Variants in METTL27 observed in about 807,000 individuals in gnomAD.
The protein encoded by METTL27 is methyltransferase-like protein 27.
In METTL27, 29 loss-of-function variants were observed where a neutral mutation model predicts 24.5. That is an observed-to-expected ratio of 1.18 (90% CI 0.88 to 1.61). The LOEUF is 1.61. METTL27 is among the 40% of genes most tolerant of loss of function. The pLI is 0.00. For synonymous variants in METTL27, 138 were observed against 146.8 expected (o/e 0.94, Z 0.43); for missense variants, 341 against 324.3 (o/e 1.05, Z -0.40).
At chr7:73,836,050 C>T (rs1290237208) in intron 5 of METTL27, among the ~76,000 whole-genome samples, 153 of 151,512 alleles carry the variant, frequency 1.0e-3, no homozygotes, top group African/African-American at 3.5e-3. Context: ...GGAGCGTCTC[C>T]GCCCGGCAGC....
At position 73,841,089 on chromosome 7, in the gene METTL27, G is replaced by A. The variant is rs1554636326; in HGVS notation, c.233C>T (p.Thr78Ile). 2 of 1,512,414 alleles carry A rather than the reference G, an allele frequency of 1.3e-6. No individual in the cohort carries two copies. The highest frequency in any genetic ancestry group is 2.6e-5 in the South Asian group (2 of 75,628). 93.7% of individuals were successfully genotyped at this position (1,512,414 alleles called of 1,614,324 possible). A position where few individuals can be genotyped will look rare whatever the true frequency, so the allele number is the denominator to read the frequency against. The part of the protein sequence containing the change: ...SALILDVACG[T>I]GLVAAELRAP... The stretch of plus-strand genomic sequence containing the variant: ...CCTCACCTCGGCAGCCACTAGGCCT[G>A]TGCCACAGGCCACGTCCAGGATCAG... Residue 78 changes from threonine (T) to isoleucine (I), a missense_variant, in exon 3 of 6, where the codon ACA becomes ATA. Transcript: ENST00000297873.
intron 5 of METTL27, 196 bp from the exon 6 acceptor site, chr7:73,835,198 C>T: frequency 1.6e-5 from 2 of 125,126 alleles, no homozygotes; most frequent in Non-Finnish European, 1.8e-5. Context: ...TCCTCTCCCT[C>T]TCCCTCTCCC....
chr7:73,842,393 C>G (rs1788390977), intron 1 of METTL27, 97 bp downstream of exon 1: 1 of 507,212 alleles, frequency 2.0e-6, no homozygotes, highest in Non-Finnish European at 3.3e-6. Context: ...GAGGAAGGAC[C>G]TATCTTCCTC....
intron 5 of METTL27, among the ~76,000 whole-genome samples, chr7:73,836,124 G>C (rs1788180303): frequency 8.8e-6 from 1 of 113,812 alleles, no homozygotes; most frequent in South Asian, 3.1e-4. Context: ...CCATCCGGGA[G>C]GGAGGTGGGG....
At chr7:73,837,585 A>G (rs1230939444) in intron 5 of METTL27, among the ~76,000 whole-genome samples, 1 of 149,514 alleles carries the variant, frequency 6.7e-6, no homozygotes, top group Non-Finnish European at 1.5e-5. Context: ...TTTTTTTGAG[A>G]CCCTGTCTTG....
Position 73,836,809 on chromosome 7 carries a change from A to G in METTL27, c.479-1807T>C, listed in dbSNP as rs1278063124. On this transcript the variant is annotated intron_variant, in intron 5 of 5. Transcript: ENST00000297873. ...CCCAACAGCTCATTGAGAACGAGCC[A>G]GGATGACAATGGCGGCTTTGTGGAA... Among the ~76,000 whole-genome samples the G allele has an allele frequency of 2.3e-5, 2 of 85,520 alleles. 1 individual carries two copies. Among genetic ancestry groups the G allele is most frequent in the Non-Finnish European group, 6.2e-5 (2 of 32,466 alleles). The allele number at this position is 85,520 out of a possible 152,430, so 56.1% of individuals were successfully genotyped here. A position where few individuals can be genotyped will look rare whatever the true frequency, so the allele number is the denominator to read the frequency against.
intron 5 of METTL27, among the ~76,000 whole-genome samples, chr7:73,836,404 G>C (rs1288097571): frequency 7.4e-6 from 1 of 135,580 alleles, no homozygotes; most frequent in Non-Finnish European, 1.6e-5. Context: ...GGAGGGAGGT[G>C]GGGGGGTCAG....
At chr7:73,838,401 C>T (rs782361941) in intron 5 of METTL27, among the ~76,000 whole-genome samples, 1 of 152,164 alleles carries the variant, frequency 6.6e-6, no homozygotes, top group African/African-American at 2.4e-5. Flanking sequence ...CAGTAAGTGC[C>T]GGCTGAATGG....
intron 2 of METTL27, among the ~76,000 whole-genome samples, chr7:73,841,722 C>T (rs1292878971): frequency 6.6e-6 from 1 of 152,164 alleles, no homozygotes; most frequent in African/African-American, 2.4e-5. Flanking sequence ...AGGTGATCCG[C>T]CCGCCTCGGC....
At chr7:73,839,142 G>A (rs372764359) in intron 5 of METTL27, among the ~76,000 whole-genome samples, 2 of 152,218 alleles carry the variant, frequency 1.3e-5, no homozygotes, top group East Asian at 1.9e-4. Context: ...AATTAGCTGG[G>A]TGTGGTGGTG....
rs782502411 is a variant in METTL27, at chr7:73,841,107, A to G, written c.215T>C (p.Leu72Pro). Residue 72 changes from leucine to proline, a missense_variant, in exon 3 of 6, where the codon CTG becomes CCG. Transcript: ENST00000297873. ...LPGPPHSALI[L>P]DVACGTGLVA... ...TAGGCCTGTGCCACAGGCCACGTCC[A>G]GGATCAGGGCACTGTGGGGCGGGCC... 4 of 1,522,964 alleles carry G rather than the reference A, an allele frequency of 2.6e-6. No homozygotes were observed. The Admixed American group carries it at 7.6e-5, about 29-fold the overall frequency. The allele number at this position is 1,522,964 out of a possible 1,614,324, so 94.3% of individuals were successfully genotyped here.
chr7:73,841,402 T>C (rs567191006), intron 2 of METTL27, among the ~76,000 whole-genome samples: 1 of 151,774 alleles, frequency 6.6e-6, no homozygotes, highest in Admixed American at 6.5e-5. Flanking sequence ...CAGCCCACTG[T>C]ACAGTAGACT....
At chr7:73,839,059 G>A (rs188985208) in intron 5 of METTL27, among the ~76,000 whole-genome samples, 1 of 152,236 alleles carries the variant, frequency 6.6e-6, no homozygotes, top group East Asian at 1.9e-4. Flanking sequence ...CAAGGCGGGC[G>A]ATCACTTGAG....
intron 4 of METTL27, 24 bp downstream of exon 4, chr7:73,840,390 G>T (rs1554636115): frequency 1.3e-6 from 2 of 1,557,796 alleles, no homozygotes; most frequent in Admixed American, 3.9e-5. Flanking sequence ...GGGCCTCGGG[G>T]TGTGGAGGTG....
At chr7:73,837,686 C>T (rs931976735) in intron 5 of METTL27, among the ~76,000 whole-genome samples, 2 of 152,088 alleles carry the variant, frequency 1.3e-5, no homozygotes, top group Non-Finnish European at 2.9e-5. Flanking sequence ...GTCTCAGCCT[C>T]CCTTGCAGCT....
intron 3 of METTL27, among the ~76,000 whole-genome samples, chr7:73,840,848 CA>C (rs1392731644): frequency 6.6e-6 from 1 of 152,078 alleles, no homozygotes; most frequent in African/African-American, 2.4e-5. Context: ...TTTGTAGAGA[CA>C]GGGGTCTTGC....
intron 4 of METTL27, 27 bp from the exon 5 acceptor site, chr7:73,840,147 A>C (rs1584340169): frequency 3.5e-6 from 5 of 1,441,280 alleles, no homozygotes; most frequent in African/African-American, 2.9e-5. Context: ...GGGGGTGGGG[A>C]CATGGTGTGA....
chr7:73,834,787 A>G lies in METTL27; in HGVS notation c.694T>C (p.Ser232Pro), dbSNP rs781992872. Reference protein sequence around the residue: ...LPRMASSPALSTCTESGRRPR... With the variant: ...LPRMASSPALPTCTESGRRPR... ...CGCCTTCCACTTTCGGTACAGGTAG[A>G]CAATGCCGGAGATGAAGCCATCCTT... The change falls in exon 6 of 6, where the codon TCT becomes CCT. Residue 232 changes from serine (S) to proline (P), a missense_variant. Ser to Pro is a moderately conservative substitution (Grantham distance 74, BLOSUM62 -1). Transcript: ENST00000297873. 1 of 1,614,024 alleles carries G rather than the reference A, an allele frequency of 6.2e-7. No individual in the cohort carries two copies. The highest frequency in any genetic ancestry group is 1.3e-5 in the African/African-American group (1 of 74,924).
At chr7:73,835,028 G>C (rs1788123254) in intron 5 of METTL27, 26 bp from the exon 6 acceptor site, 1 of 1,588,552 alleles carries the variant, frequency 6.3e-7, no homozygotes, top group African/African-American at 1.3e-5. Context: ...AGGTGAGGTG[G>C]GGGAGGGGCA....
Sources: gnomAD v4.1 joint callset for allele counts (sites outside exome capture counted in the v4.1 genomes callset) on GRCh38, gnomAD v4.1.1 for gene constraint, MANE v1.5 for transcripts, NCBI Gene and HGNC (gene_info 2026-07-23, HGNC 2026-07-21) for gene names.